The following MFN1 variants were observed in gnomAD, a reference collection of about 807,000 sequenced individuals.
The protein encoded by MFN1 is mitofusin 1, also known as mitofusin-1.
MFN1 carries 65 observed loss-of-function variants against 92.4 expected under a neutral mutation model. The observed-to-expected ratio is 0.70, with a 90% CI of 0.58 to 0.86. The LOEUF is 0.86. MFN1 is among the 40% of genes least tolerant of loss of function. The pLI, the probability that MFN1 is intolerant of heterozygous loss-of-function variation, is 0.00. For missense variants in MFN1, 781 were observed against 868.0 expected (o/e 0.90, Z 1.26); for synonymous variants, 297 against 300.9 (o/e 0.99, Z 0.13).
At chr3:179,377,295 T>C in intron 11 of MFN1, 49 bp from the exon 12 acceptor site, 1 of 1,529,444 alleles carries the variant, frequency 6.5e-7, no homozygotes, top group Non-Finnish European at 8.9e-7. Flanking sequence ...TTTTGAATAA[T>C]TGATAATCTT....
chr3:179,348,740 A>T (rs772715781), intron 1 of MFN1, 105 bp from the exon 2 acceptor site: 210 of 1,492,080 alleles, frequency 1.4e-4, no homozygotes, highest in Non-Finnish European at 1.8e-4. Context: ...TTTTGCCAGC[A>T]TAATTTATTT....
At position 179,378,750 on chromosome 3, in the gene MFN1, A is replaced by C. The variant is rs959961641; in HGVS notation, c.1598A>C (p.His533Pro). ...RFSLGWSSLVHRFLGPRNAQR... is the reference protein window; with the variant it reads ...RFSLGWSSLVPRFLGPRNAQR... Reference sequence around the variant, plus strand: ...TCCCTGGGCTGGTCTTCCCTTGTACATCGATTTTTGGGCCCTAGAAATGCT... The same window carrying C: ...TCCCTGGGCTGGTCTTCCCTTGTACCTCGATTTTTGGGCCCTAGAAATGCT... The change falls in exon 14 of 18, where the codon CAT becomes CCT. Residue 533 changes from histidine (H) to proline (P), a missense_variant. Coordinates refer to ENST00000471841, the MANE Select transcript of MFN1 (RefSeq NM_033540.3). 1 of 1,613,938 alleles carries C rather than the reference A, an allele frequency of 6.2e-7. No homozygotes were observed. Among genetic ancestry groups the C allele is most frequent in the Non-Finnish European group, 8.5e-7 (1 of 1,179,968 alleles).
At chr3:179,371,274 A>T (rs1233399395) in intron 9 of MFN1, among the ~76,000 whole-genome samples, 2 of 152,194 alleles carry the variant, frequency 1.3e-5, no homozygotes, top group African/African-American at 4.8e-5. Context: ...TGGGATGCCA[A>T]AGCAGGAAGA....
Position 179,378,742 on chromosome 3 carries a change from C to T in MFN1, c.1590C>T (p.Ser530=). 2 of 1,614,024 alleles carry T rather than the reference C, an allele frequency of 1.2e-6. No individual in the cohort carries two copies. The highest frequency in any genetic ancestry group is 1.7e-6 in the Non-Finnish European group (2 of 1,179,954). Residue 530 remains serine (S), a synonymous_variant, in exon 14 of 18, where the codon TCC becomes TCT. Transcript: ENST00000471841. ...IVFRFSLGWS[S]LVHRFLGPRN... is the part of the protein sequence containing the mutation. The stretch of plus-strand genomic sequence containing the variant: ...TTCGTTTTTCCCTGGGCTGGTCTTC[C>T]CTTGTACATCGATTTTTGGGCCCTA...
intron 2 of MFN1, among the ~76,000 whole-genome samples, chr3:179,349,667 G>T (rs1712065635): frequency 6.6e-6 from 1 of 151,870 alleles, no homozygotes; most frequent in African/African-American, 2.4e-5. Flanking sequence ...GTGCCACCAT[G>T]CCTGACTAAT....
chr3:179,348,588 C>A (rs540314514), intron 1 of MFN1, among the ~76,000 whole-genome samples: 1 of 152,292 alleles, frequency 6.6e-6, no homozygotes, highest in Admixed American at 6.5e-5. Context: ...CAATTAGTTT[C>A]GTCTTCACCA....
At chr3:179,359,530 C>T (rs1712486229) in intron 4 of MFN1, among the ~76,000 whole-genome samples, 2 of 149,910 alleles carry the variant, frequency 1.3e-5, no homozygotes, top group Non-Finnish European at 3.0e-5. Flanking sequence ...AAATGATTCT[C>T]CTGCCTCAGC....
At chr3:179,369,432 A>G (rs771813902) in intron 9 of MFN1, among the ~76,000 whole-genome samples, 3 of 152,164 alleles carry the variant, frequency 2.0e-5, no homozygotes, top group Non-Finnish European at 2.9e-5. Flanking sequence ...CTTAGTATAT[A>G]TGTGTTTTAT....
Position 179,375,207 on chromosome 3 carries a change from G to A in MFN1, c.976-13G>A. 6.3e-7 allele frequency: 1 copy of A among 1,582,514 alleles called. No individual in the cohort carries two copies. Among genetic ancestry groups the A allele is most frequent in the Non-Finnish European group, 8.6e-7 (1 of 1,168,106 alleles). On this transcript the variant is annotated splice_polypyrimidine_tract_variant and intron_variant, in intron 9 of 17. Transcript: ENST00000471841. Reference sequence around the variant, plus strand: ...GAATTACAGTAATGTGTTACGGCTTGGGCCCCTCGCAGGAGTGTATCTCGC... The same window carrying A: ...GAATTACAGTAATGTGTTACGGCTTAGGCCCCTCGCAGGAGTGTATCTCGC...
intron 9 of MFN1, among the ~76,000 whole-genome samples, chr3:179,372,072 A>G (rs1283824465): frequency 6.8e-6 from 1 of 147,278 alleles, no homozygotes; most frequent in Non-Finnish European, 1.5e-5. Flanking sequence ...ATTATATATT[A>G]TATAATACAT....
intron 14 of MFN1, among the ~76,000 whole-genome samples, chr3:179,379,376 CAG>C (rs1713380795): frequency 1.3e-5 from 2 of 152,114 alleles, no homozygotes; most frequent in South Asian, 4.1e-4. Flanking sequence ...GCGTTTGAGA[CAG>C]AGACCTGCGC....
intron 3 of MFN1, among the ~76,000 whole-genome samples, chr3:179,357,034 G>A (rs1712371205): frequency 6.6e-6 from 1 of 152,164 alleles, no homozygotes; most frequent in Non-Finnish European, 1.5e-5. Context: ...GCAGAGTGAA[G>A]TCATGGGACA....
In MFN1 at chr3:179,367,604, C is replaced by T. The variant is rs1457093143; in HGVS notation, c.907+12C>T. The T allele has an allele frequency of 6.3e-7, 1 of 1,583,550 alleles. No homozygotes were observed. Among genetic ancestry groups the T allele is most frequent in the South Asian group, 1.1e-5 (1 of 87,100 alleles). On this transcript the variant is annotated intron_variant, in intron 8 of 17. Coordinates refer to ENST00000471841, the MANE Select transcript of MFN1 (RefSeq NM_033540.3). Reference sequence around the variant, plus strand: ...GATGCCAGAAAGTGGTATGCATTACCTATAGATTTCCTGTTTAAATATAAA... The same window carrying T: ...GATGCCAGAAAGTGGTATGCATTACTTATAGATTTCCTGTTTAAATATAAA...
intron 5 of MFN1, among the ~76,000 whole-genome samples, chr3:179,363,629 C>T (rs1156699240): frequency 6.6e-6 from 1 of 151,602 alleles, no homozygotes; most frequent in Non-Finnish European, 1.5e-5. Context: ...GTAGCTGGGG[C>T]TACAGGGGCA....
In MFN1 at chr3:179,379,368, G is replaced by A. The variant is rs547595038; in HGVS notation, c.1662+554G>A. On this transcript the variant is annotated intron_variant, in intron 14 of 17. Transcript: ENST00000471841. ...AAAATTTTTTTTTGAGTGGGGATGCGTTTGAGACAGAGACCTGCGCTGTGG... is the reference window on the plus strand; with the variant it reads ...AAAATTTTTTTTTGAGTGGGGATGCATTTGAGACAGAGACCTGCGCTGTGG... Among the ~76,000 whole-genome samples, 11 of 152,182 alleles carry A rather than the reference G, an allele frequency of 7.2e-5. No homozygotes were observed. In the East Asian group the frequency reaches 7.7e-4, roughly 11 times the overall value.
At chr3:179,361,612 C>T (rs1712583275) in intron 4 of MFN1, among the ~76,000 whole-genome samples, 1 of 151,712 alleles carries the variant, frequency 6.6e-6, no homozygotes, top group Non-Finnish European at 1.5e-5. Context: ...TCTTGGCTCA[C>T]TGCAACCTTC....
intron 9 of MFN1, among the ~76,000 whole-genome samples, chr3:179,368,574 C>A (rs1712896096): frequency 6.6e-6 from 1 of 152,172 alleles, no homozygotes; most frequent in South Asian, 2.1e-4. Flanking sequence ...TACCACATGT[C>A]CATTCTCCAT....
chr3:179,358,150 G>GTTTTTT (rs771740459), intron 3 of MFN1, among the ~76,000 whole-genome samples: 16 of 119,692 alleles, frequency 1.3e-4, no homozygotes, highest in African/African-American at 4.2e-4. Flanking sequence ...CACTCATTTT[G>GTTTTTT]TTTTTTTTTT....
intron 3 of MFN1, 124 bp from the exon 4 acceptor site, chr3:179,358,715 TA>T: frequency 1.1e-6 from 1 of 929,496 alleles, no homozygotes; most frequent in South Asian, 2.2e-5. Context: ...AATCTTTTCA[TA>T]AAAATGCAGT....
Sources: allele counts gnomAD v4.1 joint callset (sites outside exome capture counted in the v4.1 genomes callset), GRCh38; gene constraint gnomAD v4.1.1; transcripts MANE v1.5; gene names NCBI Gene and HGNC (gene_info 2026-07-23, HGNC 2026-07-21).